Variants in QTGAL observed in about 807,000 individuals in gnomAD.
The protein encoded by QTGAL is BGnT-like protein 1.
At chr17:82,970,990 C>T in the QTGAL span, among the ~76,000 whole-genome samples, 214 of 152,204 alleles carry the variant, frequency 1.4e-3, 1 homozygote, top group Non-Finnish European at 1.4e-3. Flanking sequence ...CCGAGGCAGC[C>T]GGGTCCGTTC....
chr17:82,976,155 G>A, the QTGAL span, among the ~76,000 whole-genome samples: 1 of 43,436 alleles, frequency 2.3e-5, no homozygotes, highest in Non-Finnish European at 4.8e-5. Context: ...CGAGGGCCCC[G>A]GGACAGAGCC....
the QTGAL span, among the ~76,000 whole-genome samples, chr17:83,036,609 C>A: frequency 1.2e-4 from 18 of 152,178 alleles, no homozygotes; most frequent in Non-Finnish European, 2.4e-4. Context: ...AGGAACGGGA[C>A]TGAAAACGGG....
At chr17:83,037,312 G>A in the QTGAL span, among the ~76,000 whole-genome samples, 1 of 152,192 alleles carries the variant, frequency 6.6e-6, no homozygotes, top group South Asian at 2.1e-4. The surrounding 1 kb of genome is among the most constrained non-coding windows in gnomAD (Gnocchi z 5.2). Flanking sequence ...CACTGGGACC[G>A]CACAGCCGCA....
the QTGAL span, among the ~76,000 whole-genome samples, chr17:82,973,666 G>A: frequency 2.6e-5 from 4 of 152,116 alleles, no homozygotes; most frequent in African/African-American, 4.8e-5. Context: ...AGCCTACACC[G>A]CGGGAACCAC....
At chr17:82,969,222 C>T in the QTGAL span, among the ~76,000 whole-genome samples, 33 of 151,714 alleles carry the variant, frequency 2.2e-4, no homozygotes, top group Admixed American at 4.6e-4. Flanking sequence ...TGCAGTGGCG[C>T]GATCTCAGCT....
the QTGAL span, among the ~76,000 whole-genome samples, chr17:82,956,266 C>T: frequency 3.3e-5 from 5 of 152,338 alleles, no homozygotes; most frequent in African/African-American, 1.2e-4. This position sits in a 1 kb window ranked among gnomAD's most constrained non-coding sequence, Gnocchi z 5.7. Context: ...CCATCACCTG[C>T]CCACCCCAGG....
At chr17:83,006,107 C>T in the QTGAL span, 1 of 991,060 alleles carries the variant, frequency 1.0e-6, no homozygotes, top group African/African-American at 1.7e-5. This position sits in a 1 kb window ranked among gnomAD's most constrained non-coding sequence, Gnocchi z 5.8. Context: ...GCACAGGCCC[C>T]AGGTCACAAG....
At chr17:83,032,651 G>A in the QTGAL span, among the ~76,000 whole-genome samples, 2 of 152,218 alleles carry the variant, frequency 1.3e-5, no homozygotes, top group African/African-American at 4.8e-5. Flanking sequence ...GTCTTAGTGA[G>A]GAAAACATTG....
chr17:82,985,734 G>A, the QTGAL span, among the ~76,000 whole-genome samples: 126,061 of 152,192 alleles, frequency 0.83, 52,708 homozygotes, highest in African/African-American at 0.95. Flanking sequence ...AGGAGCCCAG[G>A]GTTGATCGGA....
chr17:82,949,823 A>G, the QTGAL span: 23 of 152,338 alleles, frequency 1.5e-4, no homozygotes, highest in Admixed American at 1.5e-3. Flanking sequence ...GGTCCTTTTA[A>G]CAGTTTTTAT....
the QTGAL span, among the ~76,000 whole-genome samples, chr17:82,982,012 G>A: frequency 6.6e-6 from 1 of 151,656 alleles, no homozygotes; most frequent in African/African-American, 2.4e-5. Flanking sequence ...GATGGGCCGA[G>A]CGGGTGGAGG....
chr17:82,959,403 G>A, the QTGAL span, among the ~76,000 whole-genome samples: 65 of 151,876 alleles, frequency 4.3e-4, 1 homozygote, highest in Middle Eastern at 0.01. Flanking sequence ...GTGAGTACGT[G>A]TGTATACTTT....
At chr17:82,978,784 CAAG>C in the QTGAL span, 1 of 152,190 alleles carries the variant, frequency 6.6e-6, no homozygotes, top group Non-Finnish European at 1.5e-5. This position sits in a 1 kb window ranked among gnomAD's most constrained non-coding sequence, Gnocchi z 4.8. Context: ...AGTCTAGAGA[CAAG>C]GAGGAAGACG....
chr17:82,946,924 C>T, the QTGAL span: 5 of 1,569,034 alleles, frequency 3.2e-6, no homozygotes, highest in Non-Finnish European at 4.3e-6. Context: ...GAAGGAAGTC[C>T]TGGCCCTCCT....
At chr17:82,969,724 G>A in the QTGAL span, among the ~76,000 whole-genome samples, 1 of 152,136 alleles carries the variant, frequency 6.6e-6, no homozygotes, top group African/African-American at 2.4e-5. Context: ...CTGTTACCCA[G>A]GCTGGAATGC....
At chr17:83,017,693 A>G in the QTGAL span, among the ~76,000 whole-genome samples, 1 of 152,248 alleles carries the variant, frequency 6.6e-6, no homozygotes, top group Non-Finnish European at 1.5e-5. Flanking sequence ...GATGTGATGG[A>G]TGGTCCAGTT....
At chr17:82,950,178 C>T in the QTGAL span, among the ~76,000 whole-genome samples, 8 of 152,298 alleles carry the variant, frequency 5.3e-5, no homozygotes, top group East Asian at 5.8e-4. Flanking sequence ...GACAGGTGAC[C>T]GTGGGGGCTC....
chr17:83,043,749 C>T, the QTGAL span, among the ~76,000 whole-genome samples: 3 of 152,068 alleles, frequency 2.0e-5, no homozygotes, highest in East Asian at 5.8e-4. Context: ...ACAAAATTGA[C>T]AAACCCAGCT....
chr17:83,008,180 T>C, the QTGAL span, among the ~76,000 whole-genome samples: 1 of 151,656 alleles, frequency 6.6e-6, no homozygotes, highest in Non-Finnish European at 1.5e-5. Context: ...GCACAGGGCC[T>C]GGACCCAGTG....
Sources: gnomAD v4.1 joint callset for allele counts (sites outside exome capture counted in the v4.1 genomes callset) on GRCh38, gnomAD v4.1.1 for gene constraint, Gnocchi (gnomAD v3.1) non-coding constraint, MANE v1.5 for transcripts, NCBI Gene and HGNC (gene_info 2026-07-23, HGNC 2026-07-21) for gene names.